The following CMKLR2 variants were observed in gnomAD, a reference collection of about 807,000 sequenced individuals.
CMKLR2 encodes the protein chemerin-like receptor 2.
CMKLR2 carries 18 observed loss-of-function variants against 23.0 expected under a neutral mutation model. The observed-to-expected ratio is 0.78, with a 90% CI of 0.54 to 1.16. CMKLR2 has a LOEUF of 1.16. Among genes scored for constraint, CMKLR2 ranks in the 50% most tolerant of loss-of-function variants. The pLI is 0.00. For missense variants in CMKLR2, 401 were observed against 412.7 expected (o/e 0.97, Z 0.25); for synonymous variants, 158 against 158.9 (o/e 0.99, Z 0.05).
intron 1 of CMKLR2, among the ~76,000 whole-genome samples, chr2:206,201,494 A>ACTTTTCATAT: frequency 6.6e-6 from 1 of 152,294 alleles, no homozygotes; most frequent in South Asian, 2.1e-4. Flanking sequence ...CCACACAACC[A>ACTTTTCATAT]CTTTTCATAT....
At chr2:206,214,347 T>A (rs1234052562), upstream of CMKLR2, among the ~76,000 whole-genome samples, 5 of 151,958 alleles carry the variant, frequency 3.3e-5, no homozygotes, top group Admixed American at 1.3e-4. Context: ...AATTTTTCTG[T>A]ATTTTTATTA....
At chr2:206,204,568 GT>G (rs967507420) in intron 1 of CMKLR2, among the ~76,000 whole-genome samples, 2 of 150,442 alleles carry the variant, frequency 1.3e-5, no homozygotes, top group Admixed American at 6.6e-5. Flanking sequence ...TTTTGTTTTT[GT>G]TTTTTTTGAG....
intron 1 of CMKLR2, among the ~76,000 whole-genome samples, chr2:206,184,274 T>TA (rs1483794961): frequency 1.3e-5 from 2 of 151,682 alleles, no homozygotes; most frequent in African/African-American, 4.8e-5. Flanking sequence ...ATTGCCTCTG[T>TA]AAAAACCCCA....
Position 206,176,118 on chromosome 2 carries a change from G to A in CMKLR2, c.*62C>T. The A allele has an allele frequency of 8.3e-7, 1 of 1,201,106 alleles. No homozygotes were observed. The highest frequency in any genetic ancestry group is 1.2e-6 in the Non-Finnish European group (1 of 854,294). The allele number at this position is 1,201,106 out of a possible 1,614,324, so 74.4% of individuals were successfully genotyped here. A position where few individuals can be genotyped will look rare whatever the true frequency, so the allele number is the denominator to read the frequency against. Reference sequence around the variant, plus strand: ...TCTATCTTGGAAACAATTTTAATCTGAAAGCATCAGTCAGAGGACCCACAT... The same window carrying A: ...TCTATCTTGGAAACAATTTTAATCTAAAAGCATCAGTCAGAGGACCCACAT... On this transcript the variant is annotated 3_prime_UTR_variant, in exon 2 of 2. Transcript: ENST00000621141.
intron 1 of CMKLR2, among the ~76,000 whole-genome samples, chr2:206,199,725 A>G (rs1438258933): frequency 6.6e-6 from 1 of 151,558 alleles, no homozygotes; most frequent in African/African-American, 2.4e-5. Flanking sequence ...CCTCCCAAGT[A>G]GCCAGGATTA....
chr2:206,184,970 A>C (rs1436851095), intron 1 of CMKLR2, among the ~76,000 whole-genome samples: 2 of 152,128 alleles, frequency 1.3e-5, no homozygotes, highest in African/African-American at 4.8e-5. Context: ...AGGGAATAGA[A>C]GGTGGTTTTT....
At chr2:206,197,098 C>A (rs550255665) in intron 1 of CMKLR2, among the ~76,000 whole-genome samples, 1 of 152,046 alleles carries the variant, frequency 6.6e-6, no homozygotes, top group Admixed American at 6.6e-5. Context: ...TTAGTAGAGA[C>A]GGGGTTTCAC....
At chr2:206,181,354 C>T (rs1334862100) in intron 1 of CMKLR2, among the ~76,000 whole-genome samples, 1 of 151,846 alleles carries the variant, frequency 6.6e-6, no homozygotes, top group Non-Finnish European at 1.5e-5. Context: ...GCCACCATGC[C>T]TGGCCCTATT....
At chr2:206,205,918 C>T (rs983753306) in intron 1 of CMKLR2, among the ~76,000 whole-genome samples, 5 of 151,912 alleles carry the variant, frequency 3.3e-5, no homozygotes, top group South Asian at 2.1e-4. Flanking sequence ...AGGCTGGTCT[C>T]GAACTCCTGA....
Position 206,196,259 on chromosome 2 carries a change from G to A in CMKLR2, c.-29+17048C>T, listed in dbSNP as rs560727917. 3.9e-4 allele frequency among the ~76,000 whole-genome samples: 60 copies of A among 151,902 alleles called. No homozygotes were observed. In the South Asian group the frequency reaches 1.0e-2, roughly 25 times the overall value. The stretch of plus-strand genomic sequence containing the variant: ...GCGTGGTGGCACACGCCTGTAATCC[G>A]AGCTACTTGGAGGTCGAGGCAGGAG... On this transcript the variant is annotated intron_variant, in intron 1 of 1. Coordinates refer to ENST00000621141, the MANE Select transcript of CMKLR2 (RefSeq NM_001389445.1).
At position 206,176,674 on chromosome 2, in the gene CMKLR2, GA is replaced by G. The variant is rs1453245032; in HGVS notation, c.573del (p.Gln192ArgfsTer9). ...AAAGTGAGGTCAGGATCATGCTTCT[GA>G]AAATTGTTATAGCAAAGAGTATGAT... Reference protein sequence around the residue: ...FNNHTLCYNNFQKHDPDLTLI... With the variant: ...FNNHTLCYNNXQKHDPDLTLI... On this transcript the variant is annotated frameshift_variant, in exon 2 of 2. Coordinates refer to ENST00000621141, the MANE Select transcript of CMKLR2 (RefSeq NM_001389445.1). LOFTEE classifies it high-confidence loss of function. The G allele has an allele frequency of 3.1e-6, 5 of 1,614,082 alleles. No homozygotes were observed. The highest frequency in any genetic ancestry group is 3.4e-6 in the Non-Finnish European group (4 of 1,180,038).
At chr2:206,179,319 C>T (rs1400940523) in intron 1 of CMKLR2, among the ~76,000 whole-genome samples, 1 of 150,742 alleles carries the variant, frequency 6.6e-6, no homozygotes, top group Non-Finnish European at 1.5e-5. Flanking sequence ...CGGTGATTCG[C>T]CCACCTTGGC....
chr2:206,207,846 G>A (rs1200128457), intron 1 of CMKLR2, among the ~76,000 whole-genome samples: 7 of 148,396 alleles, frequency 4.7e-5, no homozygotes, highest in African/African-American at 7.5e-5. Context: ...GGGTTCCAGC[G>A]ATTCTTCTGC....
At chr2:206,182,460 C>T (rs1688445551) in intron 1 of CMKLR2, among the ~76,000 whole-genome samples, 1 of 152,124 alleles carries the variant, frequency 6.6e-6, no homozygotes, top group Admixed American at 6.5e-5. Flanking sequence ...ATGGCTGTAC[C>T]CCCAGTGCCT....
rs557458404 is a variant in CMKLR2, at chr2:206,199,862, G to A, written c.-29+13445C>T. On this transcript the variant is annotated intron_variant, in intron 1 of 1. Transcript: ENST00000621141. ...CTCCCAAAGTGCTGGGATTACAGGC[G>A]TGAGACACCGTGCCCGGCCCTATGA... is the stretch of plus-strand genomic sequence containing the variant. Among the ~76,000 whole-genome samples the A allele has an allele frequency of 7.9e-5, 12 of 152,072 alleles. No individual in the cohort carries two copies. In the East Asian group the frequency reaches 1.9e-3, roughly 25 times the overall value.
upstream of CMKLR2, chr2:206,217,737 A>G (rs1689799584): frequency 1.3e-5 from 2 of 152,334 alleles, no homozygotes; most frequent in South Asian, 4.1e-4. Context: ...GGTTTTCTTA[A>G]CTACAATATA....
chr2:206,209,426 T>C (rs1689455858), intron 1 of CMKLR2, among the ~76,000 whole-genome samples: 2 of 152,050 alleles, frequency 1.3e-5, no homozygotes, highest in Non-Finnish European at 2.9e-5. Context: ...ATGTACAGGT[T>C]TGTTACATAG....
At position 206,200,729 on chromosome 2, in the gene CMKLR2, C is replaced by CT. The variant is rs532936348; in HGVS notation, c.-29+12577dup. On this transcript the variant is annotated intron_variant, in intron 1 of 1. Transcript: ENST00000621141. ...TCCTCCCTTTCAGCCTCTGGAGTAG[C>CT]TGGGATTACAGGCATGTGCCATCGT... Among the ~76,000 whole-genome samples the CT allele has an allele frequency of 6.0e-4, 92 of 152,300 alleles. 2 individuals carry two copies. The highest frequency in any genetic ancestry group is 1.2e-3 in the Admixed American group (19 of 15,304).
chr2:206,195,681 G>A (rs757695521), intron 1 of CMKLR2, among the ~76,000 whole-genome samples: 19 of 152,190 alleles, frequency 1.2e-4, no homozygotes, highest in Non-Finnish European at 2.5e-4. Context: ...GAGGCCAGGC[G>A]CAGTGGCTCA....
Sources: gnomAD v4.1 joint callset for allele counts (sites outside exome capture counted in the v4.1 genomes callset) on GRCh38, gnomAD v4.1.1 for gene constraint, MANE v1.5 for transcripts, NCBI Gene and HGNC (gene_info 2026-07-23, HGNC 2026-07-21) for gene names.